TTC7B: variants seen among roughly 807,000 people sequenced by gnomAD.
The protein encoded by TTC7B is tetratricopeptide repeat domain 7B, also known as tetratricopeptide repeat protein 7B.
Under a neutral mutation model 106.8 loss-of-function variants are expected in TTC7B, and 28 were observed. The ratio of observed to expected loss-of-function variants is 0.26; its 90% CI spans 0.19 to 0.36. The LOEUF is 0.36. TTC7B is among the 10% of genes least tolerant of loss of function. The probability of loss-of-function intolerance (pLI) is 1.00; values close to 1 mark genes in which losing one functional copy is unlikely to be tolerated. For synonymous variants in TTC7B, 405 were observed against 430.6 expected (o/e 0.94, Z 0.74); for missense variants, 862 against 1,076.4 (o/e 0.80, Z 2.79).
At chr14:90,666,426 G>T (rs1886413556) in intron 9 of TTC7B, among the ~76,000 whole-genome samples, 1 of 152,192 alleles carries the variant, frequency 6.6e-6, no homozygotes, top group Admixed American at 6.5e-5. Flanking sequence ...CTCCCAAAGT[G>T]CTGGGATTAC....
rs758500485 is a variant in TTC7B, at chr14:90,780,822, C to T, written c.361G>A (p.Ala121Thr). The T allele has an allele frequency of 8.7e-6, 14 of 1,614,146 alleles. No homozygotes were observed. Among genetic ancestry groups the T allele is most frequent in the South Asian group, 5.5e-5 (5 of 91,090 alleles). Residue 121 changes from alanine (A) to threonine (T), a missense_variant, in exon 3 of 20, where the codon GCC becomes ACC. Coordinates refer to ENST00000328459, the MANE Select transcript of TTC7B (RefSeq NM_001010854.2). ...GGCAGATCGTCCAGGCCCACCCGGG[C>T]GTAAATGTTCAGAGCTTCTTTATAA... Reference protein sequence around the residue: ...GDYKEALNIYARVGLDDLPLT... With the variant: ...GDYKEALNIYTRVGLDDLPLT...
chr14:90,763,958 A>G (rs1486621912), intron 3 of TTC7B, among the ~76,000 whole-genome samples: 1 of 152,202 alleles, frequency 6.6e-6, no homozygotes, highest in Non-Finnish European at 1.5e-5. Flanking sequence ...TATTTCTTAC[A>G]CTAATTTACA....
intron 1 of TTC7B, among the ~76,000 whole-genome samples, chr14:90,810,717 A>G (rs1490652822): frequency 6.6e-6 from 1 of 152,236 alleles, no homozygotes; most frequent in Admixed American, 6.5e-5. Context: ...GCTACACAGC[A>G]TAATCTGTAA....
intron 5 of TTC7B, chr14:90,699,506 T>C: frequency 3.2e-6 from 1 of 309,352 alleles, no homozygotes; most frequent in South Asian, 2.6e-5. Context: ...TTAAATTCAA[T>C]ATCACCTGTC....
chr14:90,777,004 G>A (rs1479156076), intron 3 of TTC7B, among the ~76,000 whole-genome samples: 1 of 152,184 alleles, frequency 6.6e-6, no homozygotes, highest in Non-Finnish European at 1.5e-5. Flanking sequence ...GGGAGGCCGA[G>A]GTGGGTGGAT....
chr14:90,568,040 G>T (rs1243724506), intron 19 of TTC7B, among the ~76,000 whole-genome samples: 5 of 152,180 alleles, frequency 3.3e-5, no homozygotes, highest in Admixed American at 2.0e-4. Context: ...AGCACCAAAT[G>T]GTGGGAAAGC....
chr14:90,704,961 C>T (rs1485647890), intron 5 of TTC7B, among the ~76,000 whole-genome samples: 1 of 152,196 alleles, frequency 6.6e-6, no homozygotes, highest in Non-Finnish European at 1.5e-5. Context: ...CTTTGCTAAG[C>T]ACATCAGCAG....
chr14:90,795,454 G>A (rs55803722), intron 1 of TTC7B, among the ~76,000 whole-genome samples: 6,473 of 152,292 alleles, frequency 0.043, 190 homozygotes, highest in Non-Finnish European at 0.058. Flanking sequence ...TGGAGCAGCC[G>A]GACTGCAAAG....
In TTC7B at chr14:90,802,776, GC is replaced by G. The variant is rs1332209205; in HGVS notation, c.121+13398del. 2.6e-5 allele frequency among the ~76,000 whole-genome samples: 4 copies of G among 152,114 alleles called. No homozygotes were observed. Among genetic ancestry groups the G allele is most frequent in the African/African-American group, 9.7e-5 (4 of 41,432 alleles). Reference sequence around the variant, plus strand: ...AGGTGCAGGCGTGGAGAGGCAGAGAGCCGGGTGTAACAGGGCAGGGACACTG... The same window carrying G: ...AGGTGCAGGCGTGGAGAGGCAGAGAGCGGGTGTAACAGGGCAGGGACACTG... On this transcript the variant is annotated intron_variant, in intron 1 of 19. Transcript: ENST00000328459. The surrounding 1 kb of genome is among the most constrained non-coding windows in gnomAD (Gnocchi z 4.7).
At chr14:90,716,502 G>C (rs767537433) in intron 5 of TTC7B, among the ~76,000 whole-genome samples, 3 of 152,224 alleles carry the variant, frequency 2.0e-5, no homozygotes, top group Non-Finnish European at 4.4e-5. Context: ...CCATAGCTCA[G>C]AGAATGCTTC....
At chr14:90,727,619 A>T (rs1889159412) in intron 5 of TTC7B, among the ~76,000 whole-genome samples, 1 of 152,222 alleles carries the variant, frequency 6.6e-6, no homozygotes, top group Admixed American at 6.5e-5. Context: ...TCTGGAAAAG[A>T]TGGGAGAGTT....
chr14:90,776,495 T>G (rs1015937868), intron 3 of TTC7B, among the ~76,000 whole-genome samples: 2 of 152,134 alleles, frequency 1.3e-5, no homozygotes, highest in African/African-American at 4.8e-5. Context: ...TAATGTACTG[T>G]GCTACGACAA....
At chr14:90,739,688 A>C (rs1270012048) in intron 4 of TTC7B, among the ~76,000 whole-genome samples, 1 of 152,198 alleles carries the variant, frequency 6.6e-6, no homozygotes, top group African/African-American at 2.4e-5. Context: ...CTTAGCATTA[A>C]CTTCTTTTCT....
chr14:90,698,140 T>C (rs1381090800), intron 5 of TTC7B: 1 of 152,240 alleles, frequency 6.6e-6, no homozygotes, highest in Non-Finnish European at 1.5e-5. Context: ...GGAAATCCTG[T>C]CTTCCAAACA....
intron 17 of TTC7B, among the ~76,000 whole-genome samples, chr14:90,595,431 C>T (rs1259477196): frequency 6.6e-6 from 1 of 152,144 alleles, no homozygotes; most frequent in South Asian, 2.1e-4. Context: ...AGAATCTATC[C>T]TTGTTTAGAC....
At chr14:90,679,555 G>T (rs1243527642) in intron 8 of TTC7B, among the ~76,000 whole-genome samples, 3 of 152,228 alleles carry the variant, frequency 2.0e-5, no homozygotes, top group Non-Finnish European at 4.4e-5. Flanking sequence ...CTCCTAGCAG[G>T]AACAGGAGAC....
intron 5 of TTC7B, among the ~76,000 whole-genome samples, chr14:90,705,870 G>T (rs1343372218): frequency 3.9e-5 from 6 of 152,138 alleles, no homozygotes; most frequent in Admixed American, 3.9e-4. Context: ...ATCTGCTAGA[G>T]AAAACCTGAA....
At chr14:90,643,357 G>A (rs562401672) in intron 15 of TTC7B, among the ~76,000 whole-genome samples, 2 of 151,824 alleles carry the variant, frequency 1.3e-5, no homozygotes, top group Non-Finnish European at 2.9e-5. Context: ...GCAGTGAGCC[G>A]AGACCATGCC....
rs202126393 is a variant in TTC7B at position 90,695,594 on chromosome 14, A to T, written c.699-16T>A. On this transcript the variant is annotated splice_polypyrimidine_tract_variant and intron_variant, in intron 5 of 19. Transcript: ENST00000328459. ...TGTCAAGTTCCTGTGTGGACACAGA[A>T]TTTGACGGTTTTCATCTGGCATGTA... 501 of 1,567,120 alleles carry T rather than the reference A, an allele frequency of 3.2e-4. 1 individual carries two copies. In the Middle Eastern group the frequency reaches 0.012, roughly 38 times the overall value.
Sources: gnomAD v4.1 joint callset for allele counts (sites outside exome capture counted in the v4.1 genomes callset) on GRCh38, gnomAD v4.1.1 for gene constraint, Gnocchi (gnomAD v3.1) non-coding constraint, MANE v1.5 for transcripts, NCBI Gene and HGNC (gene_info 2026-07-23, HGNC 2026-07-21) for gene names.